Variants in GLP2R observed in about 807,000 individuals in gnomAD.
GLP2R encodes the protein glucagon-like peptide 2 receptor.
In GLP2R, 59 loss-of-function variants were observed where a neutral mutation model predicts 68.2. The ratio of observed to expected loss-of-function variants is 0.87; its 90% CI spans 0.70 to 1.07. GLP2R has a LOEUF of 1.07. GLP2R is among the 50% of genes least tolerant of loss of function. The probability of loss-of-function intolerance (pLI) is 0.00; values close to 1 mark genes in which losing one functional copy is unlikely to be tolerated. For missense variants in GLP2R, 548 were observed against 677.4 expected, an observed-to-expected ratio of 0.81 and a Z score of 2.12; for synonymous variants, 270 against 265.4, an observed-to-expected ratio of 1.02 and a Z score of -0.17.
At position 9,842,518 on chromosome 17, in the gene GLP2R, C is replaced by A; in HGVS notation, c.406C>A (p.His136Asn). ...AGAGAGCTCAGGAAGGGCCTACAGA[C>A]ACTGCTTGGCTCAGGGGACTTGGCA... ...SEESSGRAYR[H>N]CLAQGTWQTI... The change falls in exon 4 of 13, where the codon CAC becomes AAC. Residue 136 changes from histidine to asparagine, a missense_variant. Physicochemically the swap from His to Asn is moderately conservative, Grantham distance 68 (BLOSUM62 1). Coordinates refer to ENST00000262441, the MANE Select transcript of GLP2R (RefSeq NM_004246.3). 1 of 1,614,118 alleles carries A rather than the reference C, an allele frequency of 6.2e-7. No individual in the cohort carries two copies. The highest frequency in any genetic ancestry group is 8.5e-7 in the Non-Finnish European group (1 of 1,180,004).
chr17:9,854,402 G>C, intron 4 of GLP2R, 93 bp from the exon 5 acceptor site: 1 of 776,696 alleles, frequency 1.3e-6, no homozygotes. Context: ...GGGAGTCCAT[G>C]CCTAGGCCCT....
At chr17:9,849,073 TG>T (rs1297304183) in intron 4 of GLP2R, among the ~76,000 whole-genome samples, 7 of 151,798 alleles carry the variant, frequency 4.6e-5, no homozygotes, top group Non-Finnish European at 7.4e-5. Context: ...TTTTAATATA[TG>T]GCATATAATT....
chr17:9,830,712 T>C (rs1465760392), intron 1 of GLP2R, among the ~76,000 whole-genome samples: 5 of 152,210 alleles, frequency 3.3e-5, no homozygotes, highest in Non-Finnish European at 5.9e-5. Context: ...CCAGACACCA[T>C]GCAAACTACT....
At chr17:9,844,661 C>T (rs2066819768) in intron 4 of GLP2R, among the ~76,000 whole-genome samples, 1 of 108,392 alleles carries the variant, frequency 9.2e-6, no homozygotes, top group Admixed American at 9.7e-5. Context: ...TATTTTACTA[C>T]CTAATTCTTT....
At chr17:9,839,709 G>A (rs900077461) in intron 3 of GLP2R, among the ~76,000 whole-genome samples, 4 of 152,106 alleles carry the variant, frequency 2.6e-5, no homozygotes, top group African/African-American at 9.7e-5. Flanking sequence ...CTGCTGCCTG[G>A]CCCTGCTGAC....
rs570387139 is a variant in GLP2R, at chr17:9,834,426, G to A, written c.277+532G>A. Reference sequence around the variant, plus strand: ...TGTTAAAGGAATGGGGGTGGGGGGCGCGGGTCTCCCATCTCCCAGGGCATT... The same window carrying A: ...TGTTAAAGGAATGGGGGTGGGGGGCACGGGTCTCCCATCTCCCAGGGCATT... On this transcript the variant is annotated intron_variant, in intron 2 of 12. Coordinates refer to ENST00000262441, the MANE Select transcript of GLP2R (RefSeq NM_004246.3). The A allele has an allele frequency of 3.1e-3, 511 of 162,568 alleles. 5 individuals are homozygous for A. Among genetic ancestry groups the A allele is most frequent in the African/African-American group, 0.011 (472 of 41,576 alleles). 10.1% of individuals were successfully genotyped at this position (162,568 alleles called of 1,614,324 possible).
intron 3 of GLP2R, among the ~76,000 whole-genome samples, chr17:9,836,886 G>C (rs538815734): frequency 6.6e-6 from 1 of 151,814 alleles, no homozygotes; most frequent in African/African-American, 2.4e-5. Flanking sequence ...ATCTCGCTCT[G>C]TCGCCCAGGC....
intron 6 of GLP2R, among the ~76,000 whole-genome samples, chr17:9,858,826 C>T (rs1056518580): frequency 1.3e-5 from 2 of 152,050 alleles, no homozygotes; most frequent in Non-Finnish European, 2.9e-5. Context: ...ATTTTCATTC[C>T]TGATATTGAT....
intron 9 of GLP2R, among the ~76,000 whole-genome samples, chr17:9,863,454 C>G (rs1280369008): frequency 6.6e-6 from 1 of 152,198 alleles, no homozygotes; most frequent in Non-Finnish European, 1.5e-5. Flanking sequence ...GAAACTGGAT[C>G]TCAGCCCAAA....
At chr17:9,851,384 A>G (rs2066890169) in intron 4 of GLP2R, among the ~76,000 whole-genome samples, 1 of 152,056 alleles carries the variant, frequency 6.6e-6, no homozygotes, top group African/African-American at 2.4e-5. Context: ...ATTATTGAAT[A>G]ATACAATTGA....
chr17:9,874,941 C>T (rs535124306), intron 10 of GLP2R, among the ~76,000 whole-genome samples: 16 of 152,308 alleles, frequency 1.1e-4, no homozygotes, highest in Admixed American at 6.5e-4. Context: ...AGTGTGCCCT[C>T]CACAGACTAG....
At chr17:9,849,774 G>A (rs58942536) in intron 4 of GLP2R, among the ~76,000 whole-genome samples, 27,310 of 151,546 alleles carry the variant, frequency 0.18, 3,103 homozygotes, top group South Asian at 0.29. Context: ...CACCACGCTC[G>A]GCTAATTTTT....
chr17:9,827,172 A>C (rs911492571), intron 1 of GLP2R, among the ~76,000 whole-genome samples: 1 of 146,400 alleles, frequency 6.8e-6, no homozygotes, highest in African/African-American at 2.7e-5. Context: ...CCAGGCCTAC[A>C]TACAGTTTTT....
intron 11 of GLP2R, 64 bp from the exon 12 acceptor site, chr17:9,887,868 C>A: frequency 1.7e-6 from 2 of 1,211,256 alleles, no homozygotes; most frequent in South Asian, 2.4e-5. Context: ...TGGACGTTGC[C>A]AGTAACTCTC....
At chr17:9,869,542 G>A (rs900513474) in intron 9 of GLP2R, among the ~76,000 whole-genome samples, 2 of 152,214 alleles carry the variant, frequency 1.3e-5, no homozygotes, top group Non-Finnish European at 2.9e-5. Context: ...CGGCAGCCAG[G>A]GCCGCAGCCA....
Position 9,891,548 on chromosome 17 carries a change from C to T in GLP2R, c.*1843C>T, listed in dbSNP as rs142180361. The T allele has an allele frequency of 2.0e-5, 3 of 152,242 alleles. No individual in the cohort carries two copies. Among genetic ancestry groups the T allele is most frequent in the African/African-American group, 7.2e-5 (3 of 41,564 alleles). The allele number at this position is 152,242 out of a possible 1,614,324, so 9.4% of individuals were successfully genotyped here. A position where few individuals can be genotyped will look rare whatever the true frequency, so the allele number is the denominator to read the frequency against. On this transcript the variant is annotated 3_prime_UTR_variant, in exon 13 of 13. Coordinates refer to ENST00000262441, the MANE Select transcript of GLP2R (RefSeq NM_004246.3). Reference sequence around the variant, plus strand: ...TTTAATGTGAATTTTTATTTTTAGACAATTGCATTAAAATGTTATTTATAT... The same window carrying T: ...TTTAATGTGAATTTTTATTTTTAGATAATTGCATTAAAATGTTATTTATAT...
chr17:9,883,677 A>G (rs1451867670), intron 11 of GLP2R, among the ~76,000 whole-genome samples: 3 of 152,348 alleles, frequency 2.0e-5, no homozygotes, highest in Non-Finnish European at 4.4e-5. Context: ...CATCAGAACA[A>G]TGGAGGCCAG....
chr17:9,886,879 T>A (rs1237432102), intron 11 of GLP2R, among the ~76,000 whole-genome samples: 1 of 152,214 alleles, frequency 6.6e-6, no homozygotes, highest in East Asian at 1.9e-4. Context: ...CATCCTTTCC[T>A]TGTGAGTTCT....
chr17:9,887,792 C>T, intron 11 of GLP2R, 140 bp from the exon 12 acceptor site: 1 of 739,432 alleles, frequency 1.4e-6, no homozygotes, highest in South Asian at 1.5e-5. Flanking sequence ...ATGACTAATT[C>T]TAGTTAGTGT....
Sources: gnomAD v4.1 joint callset for allele counts (sites outside exome capture counted in the v4.1 genomes callset) on GRCh38, gnomAD v4.1.1 for gene constraint, MANE v1.5 for transcripts, NCBI Gene and HGNC (gene_info 2026-07-23, HGNC 2026-07-21) for gene names.